TDRD3: variants seen among roughly 807,000 people sequenced by gnomAD.
TDRD3 encodes tudor domain containing 3.
In TDRD3, 45 loss-of-function variants were observed where a neutral mutation model predicts 86.7. The observed-to-expected ratio is 0.52, with a 90% CI of 0.41 to 0.67. TDRD3 has a LOEUF of 0.67. Ranked by LOEUF, TDRD3 falls within the 30% of genes least tolerant of loss-of-function variation. The probability of loss-of-function intolerance (pLI) is 0.00; values close to 1 mark genes in which losing one functional copy is unlikely to be tolerated. For synonymous variants in TDRD3, 298 were observed against 301.7 expected (o/e 0.99, Z 0.13); for missense variants, 814 against 889.0 (o/e 0.92, Z 1.07).
intron 1 of TDRD3, among the ~76,000 whole-genome samples, chr13:60,406,737 T>C (rs1247236170): frequency 6.6e-6 from 1 of 152,220 alleles, no homozygotes; most frequent in African/African-American, 2.4e-5. Flanking sequence ...ATGGTCACTG[T>C]TAGTTTATTG....
chr13:60,406,361 A>G (rs1275198933), intron 1 of TDRD3, among the ~76,000 whole-genome samples: 1 of 152,260 alleles, frequency 6.6e-6, no homozygotes, highest in East Asian at 1.9e-4. Context: ...AATTTGGAAG[A>G]CAGTACTAAA....
intron 1 of TDRD3, among the ~76,000 whole-genome samples, chr13:60,424,643 C>A (rs1052166978): frequency 1.3e-5 from 2 of 152,078 alleles, no homozygotes; most frequent in East Asian, 3.9e-4. Context: ...TGCCACTGTA[C>A]CCCAGCCTGC....
At chr13:60,507,858 G>A (rs1229035351) in intron 8 of TDRD3, among the ~76,000 whole-genome samples, 1 of 152,144 alleles carries the variant, frequency 6.6e-6, no homozygotes, top group Non-Finnish European at 1.5e-5. Flanking sequence ...TGACATGATT[G>A]TATATTTAGA....
At chr13:60,556,489 T>C (rs1958187360) in intron 12 of TDRD3, among the ~76,000 whole-genome samples, 1 of 152,220 alleles carries the variant, frequency 6.6e-6, no homozygotes, top group Non-Finnish European at 1.5e-5. Context: ...GTATTTAGGT[T>C]GGGAAAATAA....
chr13:60,397,913 C>T (rs1953980574), intron 1 of TDRD3, among the ~76,000 whole-genome samples: 2 of 152,200 alleles, frequency 1.3e-5, no homozygotes, highest in South Asian at 4.1e-4. Flanking sequence ...CCGGAGCCGC[C>T]TCTTCTTACC....
At chr13:60,544,998 G>A (rs897281263) in intron 12 of TDRD3, among the ~76,000 whole-genome samples, 1 of 152,266 alleles carries the variant, frequency 6.6e-6, no homozygotes, top group African/African-American at 2.4e-5. Flanking sequence ...TTACTGAAAA[G>A]TCCTTCTTCA....
In TDRD3 at chr13:60,483,802, A is replaced by G. The variant is rs201745470; in HGVS notation, c.523A>G (p.Ile175Val). The G allele has an allele frequency of 5.4e-5, 87 of 1,613,492 alleles. No homozygotes were observed. In the East Asian group the frequency reaches 1.7e-3, roughly 32 times the overall value. ...CTTATCAAAACACAATAGAAGCAAT[A>G]TTGGAACTGAAGGTGGACCACCGCC... ...RSLSKHNRSN[I>V]GTEGGPPPFV... is the part of the protein sequence containing the mutation. Residue 175 changes from isoleucine (I) to valine (V), a missense_variant, in exon 6 of 14, where the codon ATT (isoleucine) becomes GTT (valine). Physicochemically the swap from Ile to Val is conservative, Grantham distance 29 (BLOSUM62 3). Transcript: ENST00000377881.
At position 60,535,092 on chromosome 13, in the gene TDRD3, C is replaced by A. The variant is rs758375350; in HGVS notation, c.1993-16C>A. 6.2e-7 allele frequency: 1 copy of A among 1,612,802 alleles called. No individual in the cohort carries two copies. The highest frequency in any genetic ancestry group is 8.5e-7 in the Non-Finnish European group (1 of 1,179,468). ...AATACCAGTTGTCATATTTAAAACT[C>A]CTTTTGCCTCCTCAGTTTTACCGGG... On this transcript the variant is annotated splice_polypyrimidine_tract_variant and intron_variant, in intron 11 of 13. Transcript: ENST00000377881.
chr13:60,400,055 A>G (rs1477348951), intron 1 of TDRD3, among the ~76,000 whole-genome samples: 4 of 152,224 alleles, frequency 2.6e-5, no homozygotes, highest in Non-Finnish European at 5.9e-5. Context: ...GTAGCACACA[A>G]ACTATTAGAT....
intron 1 of TDRD3, among the ~76,000 whole-genome samples, chr13:60,427,549 C>T (rs1176894102): frequency 6.6e-6 from 1 of 152,140 alleles, no homozygotes; most frequent in Non-Finnish European, 1.5e-5. Context: ...TGTAGGTAGA[C>T]AGAGTTTGGT....
intron 5 of TDRD3, among the ~76,000 whole-genome samples, chr13:60,479,818 AC>A (rs1956272719): frequency 6.6e-6 from 1 of 151,844 alleles, no homozygotes; most frequent in Non-Finnish European, 1.5e-5. Flanking sequence ...AAGAATAGTG[AC>A]CCCTGCTCTT....
chr13:60,412,578 G>A (rs1954392459), intron 1 of TDRD3, among the ~76,000 whole-genome samples: 1 of 152,020 alleles, frequency 6.6e-6, no homozygotes, highest in African/African-American at 2.4e-5. Context: ...AGAAATGGAT[G>A]CTTTTTTAAT....
intron 12 of TDRD3, among the ~76,000 whole-genome samples, chr13:60,551,441 G>A (rs1033227386): frequency 5.9e-5 from 9 of 152,134 alleles, no homozygotes; most frequent in Non-Finnish European, 1.3e-4. Context: ...GGAAAGAACA[G>A]TCTCTTTTAT....
chr13:60,431,782 AAAT>A (rs1291504780), intron 1 of TDRD3, among the ~76,000 whole-genome samples: 1 of 151,754 alleles, frequency 6.6e-6, no homozygotes, highest in African/African-American at 2.4e-5. Flanking sequence ...AAAACTGAAA[AAAT>A]AATGCATATT....
At chr13:60,483,155 A>T (rs928420721) in intron 5 of TDRD3, among the ~76,000 whole-genome samples, 1 of 152,126 alleles carries the variant, frequency 6.6e-6, no homozygotes, top group Non-Finnish European at 1.5e-5. Context: ...AGGAAAAAAG[A>T]AAACTAAAAT....
intron 5 of TDRD3, among the ~76,000 whole-genome samples, chr13:60,477,958 T>C (rs1366716216): frequency 6.6e-6 from 1 of 152,208 alleles, no homozygotes; most frequent in African/African-American, 2.4e-5. Context: ...TATCAGTTCT[T>C]CTTTGTATGT....
At chr13:60,491,961 T>G (rs1305224971) in intron 7 of TDRD3, among the ~76,000 whole-genome samples, 3 of 152,148 alleles carry the variant, frequency 2.0e-5, no homozygotes, top group Non-Finnish European at 4.4e-5. Context: ...CCACTTGAGT[T>G]TCACAGTCAT....
intron 3 of TDRD3, among the ~76,000 whole-genome samples, chr13:60,453,026 C>CT (rs1955583953): frequency 6.6e-6 from 1 of 151,906 alleles, no homozygotes; most frequent in Non-Finnish European, 1.5e-5. Context: ...GAACTCACTG[C>CT]TTTTTTTCCT....
Position 60,528,924 on chromosome 13 carries a change from C to T in TDRD3, c.1699C>T (p.His567Tyr), listed in dbSNP as rs996944973. 6.2e-7 allele frequency: 1 copy of T among 1,612,644 alleles called. No homozygotes were observed. Among genetic ancestry groups the T allele is most frequent in the Non-Finnish European group, 8.5e-7 (1 of 1,179,614 alleles). Residue 567 changes from histidine (H) to tyrosine (Y), a missense_variant, in exon 11 of 14, where the codon CAT (histidine) becomes TAT (tyrosine). Physicochemically the swap from His to Tyr is moderately conservative, Grantham distance 83. Transcript: ENST00000377881. ...TTTCAGTGGTATAAAAATTGAAAAACATTTTAATGTAAATACTGATTATCA... is the reference window on the plus strand; with the variant it reads ...TTTCAGTGGTATAAAAATTGAAAAATATTTTAATGTAAATACTGATTATCA... Reference protein sequence around the residue: ...EAFSGIKIEKHFNVNTDYQNP... With the variant: ...EAFSGIKIEKYFNVNTDYQNP...
Sources: gnomAD v4.1 joint callset for allele counts (sites outside exome capture counted in the v4.1 genomes callset) on GRCh38, gnomAD v4.1.1 for gene constraint, MANE v1.5 for transcripts, NCBI Gene and HGNC (gene_info 2026-07-23, HGNC 2026-07-21) for gene names.